Variants in AMPH observed in about 807,000 individuals in gnomAD.
The protein encoded by AMPH is amphiphysin (Stiff-Mann syndrome with breast cancer 128kD autoantigen).
AMPH carries 49 observed loss-of-function variants against 99.1 expected under a neutral mutation model. The ratio of observed to expected loss-of-function variants is 0.49; its 90% confidence interval spans 0.39 to 0.63. AMPH has a LOEUF of 0.63. AMPH is among the 20% of genes least tolerant of loss of function. AMPH has a pLI of 0.00. For synonymous variants in AMPH, 314 were observed against 317.3 expected (o/e 0.99, Z 0.11); for missense variants, 759 against 863.4 (o/e 0.88, Z 1.52).
intron 1 of AMPH, among the ~76,000 whole-genome samples, chr7:38,561,950 A>G: frequency 6.6e-6 from 1 of 151,534 alleles, no homozygotes; most frequent in East Asian, 1.9e-4. Flanking sequence ...TTGTTACTTA[A>G]ACCACCCAGT....
chr7:38,389,335 A>G (rs1041876211), intron 20 of AMPH, among the ~76,000 whole-genome samples: 1 of 152,198 alleles, frequency 6.6e-6, no homozygotes, highest in African/African-American at 2.4e-5. Flanking sequence ...AATACTGTGT[A>G]ATGCAGAGAT....
intron 1 of AMPH, among the ~76,000 whole-genome samples, chr7:38,617,899 C>T (rs1346572404): frequency 6.6e-6 from 1 of 151,852 alleles, no homozygotes; most frequent in African/African-American, 2.4e-5. Flanking sequence ...GAAACATTTC[C>T]TCAATAATCC....
chr7:38,504,128 A>G (rs1789244897), intron 2 of AMPH, among the ~76,000 whole-genome samples: 1 of 152,224 alleles, frequency 6.6e-6, no homozygotes, highest in South Asian at 2.1e-4. Flanking sequence ...ATTTTATACA[A>G]CATATTTTAG....
At chr7:38,387,181 G>C (rs1282443873) in intron 20 of AMPH, among the ~76,000 whole-genome samples, 1 of 152,170 alleles carries the variant, frequency 6.6e-6, no homozygotes, top group African/African-American at 2.4e-5. Context: ...ATAGAAAACA[G>C]AGTCAGACTC....
intron 5 of AMPH, among the ~76,000 whole-genome samples, chr7:38,478,059 AAAACAAACAAACAAAC>A (rs146496756): frequency 2.7e-5 from 4 of 149,922 alleles, no homozygotes; most frequent in East Asian, 4.0e-4. Flanking sequence ...GAAAGGATTT[AAAACAAACAAACAAAC>A]AAACAAACAA....
intron 1 of AMPH, among the ~76,000 whole-genome samples, chr7:38,544,130 A>G (rs2129043894): frequency 6.6e-6 from 1 of 152,336 alleles, no homozygotes; most frequent in South Asian, 2.1e-4. Context: ...CTGACTAACC[A>G]TATCATATTG....
At chr7:38,438,760 C>T (rs78660425) in intron 11 of AMPH, among the ~76,000 whole-genome samples, 7,084 of 152,100 alleles carry the variant, frequency 0.047, 317 homozygotes, top group African/African-American at 0.11. Context: ...CTTTGAGCCT[C>T]GGTTTCTTCA....
At chr7:38,445,051 G>C (rs967025) in intron 11 of AMPH, among the ~76,000 whole-genome samples, 93,479 of 141,424 alleles carry the variant, frequency 0.66, 31,984 homozygotes, top group East Asian at 0.89. Context: ...TACATATATA[G>C]ATGGTATATA....
intron 2 of AMPH, among the ~76,000 whole-genome samples, chr7:38,515,994 T>G (rs955977643): frequency 6.6e-6 from 1 of 152,232 alleles, no homozygotes; most frequent in African/African-American, 2.4e-5. Flanking sequence ...AGATTTCACC[T>G]GGCTGCTTCT....
chr7:38,597,560 C>A (rs373761976), intron 1 of AMPH, among the ~76,000 whole-genome samples: 17 of 152,118 alleles, frequency 1.1e-4, no homozygotes, highest in African/African-American at 3.9e-4. Context: ...GTATACATTC[C>A]CCATGCTGAG....
intron 7 of AMPH, among the ~76,000 whole-genome samples, chr7:38,469,607 C>T (rs962011637): frequency 1.3e-5 from 2 of 152,162 alleles, no homozygotes; most frequent in Non-Finnish European, 2.9e-5. Flanking sequence ...CTCATTTACA[C>T]TCCATTTCAG....
chr7:38,617,919 A>G (rs1351191604), intron 1 of AMPH, among the ~76,000 whole-genome samples: 1 of 152,214 alleles, frequency 6.6e-6, no homozygotes, highest in Non-Finnish European at 1.5e-5. Context: ...CAAACCAGTT[A>G]GCAGACAGTA....
chr7:38,630,205 GT>G (rs1183483461), intron 1 of AMPH, among the ~76,000 whole-genome samples: 2 of 152,228 alleles, frequency 1.3e-5, no homozygotes, highest in African/African-American at 4.8e-5. Flanking sequence ...AGAGAACACA[GT>G]TCAAGTGATA....
At chr7:38,413,514 C>T (rs772697292) in intron 17 of AMPH, among the ~76,000 whole-genome samples, 6 of 152,190 alleles carry the variant, frequency 3.9e-5, no homozygotes, top group Non-Finnish European at 8.8e-5. Context: ...GGATTATGCA[C>T]TCTGCTGTGT....
At chr7:38,392,047 G>A (rs75365101) in intron 18 of AMPH, 30 bp from the exon 19 acceptor site, 10 of 1,595,670 alleles carry the variant, frequency 6.3e-6, no homozygotes, top group African/African-American at 1.3e-5. Flanking sequence ...GGCGATGCCC[G>A]GCAGGGCCTG....
At chr7:38,563,020 T>C (rs982677497) in intron 1 of AMPH, among the ~76,000 whole-genome samples, 10 of 152,204 alleles carry the variant, frequency 6.6e-5, no homozygotes, top group Non-Finnish European at 1.2e-4. Flanking sequence ...AACCAATTGT[T>C]AAGCATGTTA....
intron 4 of AMPH, among the ~76,000 whole-genome samples, chr7:38,493,141 T>C (rs1449944419): frequency 1.3e-5 from 2 of 152,194 alleles, no homozygotes; most frequent in African/African-American, 4.8e-5. Context: ...AGAATATCCA[T>C]GGAGCAGCCT....
intron 3 of AMPH, among the ~76,000 whole-genome samples, chr7:38,502,431 T>A (rs1789171510): frequency 1.3e-5 from 2 of 152,116 alleles, no homozygotes; most frequent in Admixed American, 1.3e-4. Flanking sequence ...AGCTAAGGAA[T>A]CTGGGAGTGG....
At chr7:38,476,626 T>C (rs1477272173) in intron 6 of AMPH, among the ~76,000 whole-genome samples, 10 of 152,258 alleles carry the variant, frequency 6.6e-5, no homozygotes, top group East Asian at 1.9e-4. Context: ...TCCCGCAACA[T>C]TGTAGGTCAA....
Sources: gnomAD v4.1 joint callset for allele counts (sites outside exome capture counted in the v4.1 genomes callset) on GRCh38, gnomAD v4.1.1 for gene constraint, MANE v1.5 for transcripts, NCBI Gene and HGNC (gene_info 2026-07-23, HGNC 2026-07-21) for gene names.